The following TTC38 variants were observed in gnomAD, a reference collection of about 807,000 sequenced individuals.
The protein encoded by TTC38 is tetratricopeptide repeat domain 38, also known as tetratricopeptide repeat protein 38.
TTC38 carries 64 observed loss-of-function variants against 64.2 expected under a neutral mutation model. That is an observed-to-expected ratio of 1.00 (90% CI 0.81 to 1.23). The LOEUF is 1.23. Ranked by LOEUF, TTC38 falls within the 50% of genes most tolerant of loss-of-function variation. The pLI is 0.00. For missense variants in TTC38, 573 were observed against 615.5 expected (o/e 0.93, Z 0.73); for synonymous variants, 254 against 249.3 (o/e 1.02, Z -0.18).
In TTC38 at chr22:46,288,414, T is replaced by C. The variant is rs541093385; in HGVS notation, c.917-9T>C. 3.7e-6 allele frequency: 6 copies of C among 1,611,704 alleles called. No individual in the cohort carries two copies. The highest frequency in any genetic ancestry group is 1.7e-4 in the Middle Eastern group (1 of 6,044). ...CTCCAGGCCCTGGGTCTCCTCCCCATGTCCTCAGGAGTGTCTGTGGGCCAG... is the reference window on the plus strand; with the variant it reads ...CTCCAGGCCCTGGGTCTCCTCCCCACGTCCTCAGGAGTGTCTGTGGGCCAG... On this transcript the variant is annotated splice_polypyrimidine_tract_variant and intron_variant, in intron 10 of 13. Coordinates refer to ENST00000381031, the MANE Select transcript of TTC38 (RefSeq NM_017931.4).
chr22:46,286,006 C>T (rs2077568903), intron 9 of TTC38, among the ~76,000 whole-genome samples: 1 of 101,634 alleles, frequency 9.8e-6, no homozygotes, highest in South Asian at 2.4e-4. Flanking sequence ...CAGAGTGAGA[C>T]TCTGTCTCAA....
rs893011253 is a variant in TTC38, at chr22:46,291,041, C to T, written c.1316+1142C>T. 1.3e-5 allele frequency among the ~76,000 whole-genome samples: 2 copies of T among 152,170 alleles called. No individual in the cohort carries two copies. The highest frequency in any genetic ancestry group is 4.8e-5 in the African/African-American group (2 of 41,430). The stretch of plus-strand genomic sequence containing the variant: ...AGTGGTTTAGGCGCAGGTGCACCAG[C>T]GCAGCTCCCTCCAGGCAGGGTTACC... On this transcript the variant is annotated intron_variant, in intron 13 of 13. Coordinates refer to ENST00000381031, the MANE Select transcript of TTC38 (RefSeq NM_017931.4). This position sits in a 1 kb window ranked among gnomAD's most constrained non-coding sequence, Gnocchi z 4.6.
At chr22:46,289,359 C>T in intron 11 of TTC38, 43 bp from the exon 12 acceptor site, 1 of 1,591,338 alleles carries the variant, frequency 6.3e-7, no homozygotes, top group African/African-American at 1.3e-5. Context: ...CCCGGATGTT[C>T]TGTGATGGGC....
chr22:46,280,781 G>A (rs547876877), intron 6 of TTC38, among the ~76,000 whole-genome samples: 34 of 152,342 alleles, frequency 2.2e-4, no homozygotes, highest in Admixed American at 4.6e-4. Flanking sequence ...TATGAAAGGC[G>A]TGGGGAGACT....
intron 13 of TTC38, among the ~76,000 whole-genome samples, chr22:46,290,932 C>T (rs114771369): frequency 0.011 from 1,664 of 152,302 alleles, 31 homozygotes; most frequent in African/African-American, 0.039. Context: ...ATAGAGGAGT[C>T]ATGGGGTGCC....
At chr22:46,284,868 C>CGAAAA (rs2077560002) in intron 8 of TTC38, among the ~76,000 whole-genome samples, 1 of 75,324 alleles carries the variant, frequency 1.3e-5, no homozygotes, top group Non-Finnish European at 2.4e-5. Context: ...GACCCCATCT[C>CGAAAA]AAAAAAAAAA....
chr22:46,288,091 G>A (rs2077584302), intron 10 of TTC38, among the ~76,000 whole-genome samples: 1 of 152,152 alleles, frequency 6.6e-6, no homozygotes, highest in Non-Finnish European at 1.5e-5. Context: ...GAGGTCGGGG[G>A]ATCCATTGGG....
rs777965665 is a variant in TTC38 at position 46,281,640 on chromosome 22, C to T, written c.657C>T (p.Thr219=). 27 of 1,614,054 alleles carry T rather than the reference C, an allele frequency of 1.7e-5. No homozygotes were observed. The highest frequency in any genetic ancestry group is 3.3e-4 in the Middle Eastern group (2 of 6,084). ...INPTDAWSVH[T]VAHIHEMKAE... is the part of the protein sequence containing the mutation. The stretch of plus-strand genomic sequence containing the variant: ...CGACAGACGCATGGTCGGTGCACAC[C>T]GTCGCTCACATCCACGAGATGAAAG... Residue 219 remains threonine (T), a synonymous_variant, in exon 7 of 14, where the codon ACC becomes ACT. Coordinates refer to ENST00000381031, the MANE Select transcript of TTC38 (RefSeq NM_017931.4). The surrounding 1 kb of genome is among the most constrained non-coding windows in gnomAD (Gnocchi z 5.2).
rs112449012 is a variant in TTC38, at chr22:46,276,582, C to A, written c.539+1161C>A. Among the ~76,000 whole-genome samples, 1 of 151,448 alleles carries A rather than the reference C, an allele frequency of 6.6e-6. No individual in the cohort carries two copies. Among genetic ancestry groups the A allele is most frequent in the Non-Finnish European group, 1.5e-5 (1 of 67,916 alleles). On this transcript the variant is annotated intron_variant, in intron 5 of 13. Transcript: ENST00000381031. The surrounding 1 kb of genome is among the most constrained non-coding windows in gnomAD (Gnocchi z 4.7). ...GCATGGTGGCATGTGCCTGTAGTTC[C>A]GGCTACTCAGGAGGCTGTGGCGGGA...
rs1365205143 is a variant in TTC38, at chr22:46,288,515, C to T, written c.1009C>T (p.Leu337=). The T allele has an allele frequency of 3.7e-6, 6 of 1,613,946 alleles. No individual in the cohort carries two copies. Among genetic ancestry groups the T allele is most frequent in the African/African-American group, 1.3e-5 (1 of 74,912 alleles). The change falls in exon 11 of 14, where the codon CTG becomes TTG. Residue 337 remains leucine, a synonymous_variant. Coordinates refer to ENST00000381031, the MANE Select transcript of TTC38 (RefSeq NM_017931.4). The part of the protein sequence containing the change: ...HILLFNDAHF[L]MASLGAHDPQ... ...CCTGCTGTTCAATGACGCACACTTC[C>T]TGATGGCATCCCTGGGTGCACACGA...
In TTC38 at chr22:46,282,950, A is replaced by G. The variant is rs1378477690; in HGVS notation, c.736-1023A>G. On this transcript the variant is annotated intron_variant, in intron 7 of 13. Coordinates refer to ENST00000381031, the MANE Select transcript of TTC38 (RefSeq NM_017931.4). This position sits in a 1 kb window ranked among gnomAD's most constrained non-coding sequence, Gnocchi z 4.4. ...GTTTTTGTTTTTGTTTTTTTTTGAG[A>G]CAAGTTCTCTCTCTGTCGCCCAAGG... Among the ~76,000 whole-genome samples the G allele has an allele frequency of 1.3e-5, 2 of 151,416 alleles. No homozygotes were observed. Among genetic ancestry groups the G allele is most frequent in the Non-Finnish European group, 2.9e-5 (2 of 67,872 alleles).
Position 46,281,462 on chromosome 22 carries a change from G to A in TTC38, c.616-137G>A, listed in dbSNP as rs2077533772. On this transcript the variant is annotated intron_variant, in intron 6 of 13. Transcript: ENST00000381031. The surrounding 1 kb of genome is among the most constrained non-coding windows in gnomAD (Gnocchi z 5.2). ...GTGGTGCTAATTGTCAGTGTTTTGA[G>A]TCAGAGCCCCGCCCCCCCACTTGCT... 2.0e-6 allele frequency: 2 copies of A among 993,216 alleles called. No individual in the cohort carries two copies. The highest frequency in any genetic ancestry group is 2.4e-5 in the East Asian group (1 of 41,202). The allele number at this position is 993,216 out of a possible 1,614,324, so 61.5% of individuals were successfully genotyped here. A position where few individuals can be genotyped will look rare whatever the true frequency, so the allele number is the denominator to read the frequency against.
In TTC38 at chr22:46,281,393, T is replaced by G. The variant is rs2147794682; in HGVS notation, c.616-206T>G. On this transcript the variant is annotated intron_variant, in intron 6 of 13. Transcript: ENST00000381031. This position sits in a 1 kb window ranked among gnomAD's most constrained non-coding sequence, Gnocchi z 5.2. ...AGACTCAGCTTCCTCATCTGTGAACTGGGCAGTGAGACCCATGAGCTGGTG... is the reference window on the plus strand; with the variant it reads ...AGACTCAGCTTCCTCATCTGTGAACGGGGCAGTGAGACCCATGAGCTGGTG... 6.6e-6 allele frequency among the ~76,000 whole-genome samples: 1 copy of G among 152,306 alleles called. No individual in the cohort carries two copies. The highest frequency in any genetic ancestry group is 2.1e-4 in the South Asian group (1 of 4,826).
intron 8 of TTC38, among the ~76,000 whole-genome samples, chr22:46,284,743 G>A (rs1334603256): frequency 6.6e-6 from 1 of 151,788 alleles, no homozygotes; most frequent in East Asian, 1.9e-4. Context: ...GCCGGGCATG[G>A]TGGCGCCTCC....
intron 9 of TTC38, among the ~76,000 whole-genome samples, 165 bp from the exon 10 acceptor site, chr22:46,286,907 AC>A (rs915381030): frequency 2.6e-5 from 4 of 152,092 alleles, no homozygotes; most frequent in Non-Finnish European, 5.9e-5. Context: ...AGCAGTCTAC[AC>A]CCCAGGCAAG....
intron 6 of TTC38, chr22:46,280,036 C>T (rs1198928297): frequency 2.2e-6 from 1 of 444,860 alleles, no homozygotes; most frequent in Non-Finnish European, 4.7e-6. Flanking sequence ...TTCTCCATTG[C>T]TCCCCTTTCG....
At chr22:46,283,722 C>T (rs56277078) in intron 7 of TTC38, among the ~76,000 whole-genome samples, 10,811 of 151,864 alleles carry the variant, frequency 0.071, 531 homozygotes, top group Non-Finnish European at 0.11. Context: ...TGTGGTGGTG[C>T]ACACTTGTAA....
intron 6 of TTC38, 121 bp downstream of exon 6, chr22:46,278,782 T>C: frequency 1.2e-6 from 1 of 821,270 alleles, no homozygotes; most frequent in Non-Finnish European, 2.1e-6. Context: ...TCTCACTTCC[T>C]CAGAGAGACT....
chr22:46,289,981 A>C, intron 13 of TTC38, 82 bp downstream of exon 13: 1 of 1,258,384 alleles, frequency 7.9e-7, no homozygotes, highest in Non-Finnish European at 1.2e-6. Context: ...AAGCCCCACC[A>C]CCCTTGGCCC....
Sources: gnomAD v4.1 joint callset for allele counts (sites outside exome capture counted in the v4.1 genomes callset) on GRCh38, gnomAD v4.1.1 for gene constraint, Gnocchi (gnomAD v3.1) non-coding constraint, MANE v1.5 for transcripts, NCBI Gene and HGNC (gene_info 2026-07-23, HGNC 2026-07-21) for gene names.